The following TASP1 variants were observed in gnomAD, a reference collection of about 807,000 sequenced individuals.
TASP1 encodes the protein taspase 1, also known as threonine aspartase 1.
Under a neutral mutation model 56.6 loss-of-function variants are expected in TASP1, and 16 were observed. The ratio of observed to expected loss-of-function variants is 0.28; its 90% CI spans 0.19 to 0.43. The LOEUF (loss-of-function observed/expected upper bound fraction) is 0.43. Ranked by LOEUF, TASP1 falls within the 20% of genes least tolerant of loss-of-function variation. The probability of loss-of-function intolerance (pLI) is 1.00; values close to 1 mark genes in which losing one functional copy is unlikely to be tolerated. For missense variants in TASP1, 393 were observed against 511.6 expected (o/e 0.77, Z 2.24); for synonymous variants, 179 against 184.2 (o/e 0.97, Z 0.23).
chr20:13,230,059 TC>T, the TASP1 span, among the ~76,000 whole-genome samples: 1 of 152,212 alleles, frequency 6.6e-6, no homozygotes. Flanking sequence ...TTTATTCACT[TC>T]TACTCATAGT....
chr20:13,325,994 C>G, the TASP1 span, among the ~76,000 whole-genome samples: 2 of 152,208 alleles, frequency 1.3e-5, no homozygotes, highest in Non-Finnish European at 2.9e-5. Flanking sequence ...ACCCTCCCAA[C>G]TCCGGGTAAC....
chr20:13,168,587 T>G, the TASP1 span: 1 of 152,242 alleles, frequency 6.6e-6, no homozygotes, highest in East Asian at 1.9e-4. Flanking sequence ...GGTAAAAGTC[T>G]TAACAGTTCT....
chr20:13,140,666 T>C, the TASP1 span, among the ~76,000 whole-genome samples: 1 of 152,236 alleles, frequency 6.6e-6, no homozygotes, highest in Admixed American at 6.5e-5. Flanking sequence ...CTCTAAAGCT[T>C]AAATTTCTAT....
At chr20:13,122,870 C>T in the TASP1 span, among the ~76,000 whole-genome samples, 2 of 152,130 alleles carry the variant, frequency 1.3e-5, no homozygotes, top group African/African-American at 4.8e-5. Flanking sequence ...GCTGAAAATC[C>T]TTGGTTTGAT....
At chr20:13,311,108 C>A in the TASP1 span, among the ~76,000 whole-genome samples, 1 of 152,084 alleles carries the variant, frequency 6.6e-6, no homozygotes, top group East Asian at 1.9e-4. Flanking sequence ...GTGGGAGAAT[C>A]ACTTGAACCC....
At chr20:13,527,388 T>C (rs2045023420) in intron 10 of TASP1, among the ~76,000 whole-genome samples, 1 of 152,106 alleles carries the variant, frequency 6.6e-6, no homozygotes. Context: ...ACTCTCCCGA[T>C]AAAGTCTGAT....
the TASP1 span, among the ~76,000 whole-genome samples, chr20:13,170,368 T>G: frequency 6.6e-6 from 1 of 152,198 alleles, no homozygotes; most frequent in African/African-American, 2.4e-5. Context: ...CAATCAAGAA[T>G]AAGGGAACAA....
chr20:13,146,320 T>C, the TASP1 span, among the ~76,000 whole-genome samples: 2 of 151,996 alleles, frequency 1.3e-5, no homozygotes, highest in African/African-American at 2.4e-5. Flanking sequence ...GAGAGAACTA[T>C]TGTACTGGGC....
At chr20:13,273,408 T>C in the TASP1 span, among the ~76,000 whole-genome samples, 8 of 151,938 alleles carry the variant, frequency 5.3e-5, no homozygotes, top group Admixed American at 5.2e-4. Context: ...CTAATCTTTT[T>C]TATTTTTTGA....
chr20:13,162,655 G>T, the TASP1 span, among the ~76,000 whole-genome samples: 1 of 152,164 alleles, frequency 6.6e-6, no homozygotes, highest in Admixed American at 6.5e-5. Flanking sequence ...TCCCTCTTCT[G>T]ACTGACATGT....
At chr20:13,277,774 C>T in the TASP1 span, among the ~76,000 whole-genome samples, 3 of 151,928 alleles carry the variant, frequency 2.0e-5, no homozygotes, top group Non-Finnish European at 2.9e-5. Context: ...CTAGGTGTCC[C>T]GTGACAGAGG....
the TASP1 span, among the ~76,000 whole-genome samples, chr20:13,306,497 G>A: frequency 8.4e-6 from 1 of 118,642 alleles, no homozygotes; most frequent in Non-Finnish European, 1.7e-5. Context: ...TTTTGGTGGT[G>A]TTTTTTGTTT....
the TASP1 span, among the ~76,000 whole-genome samples, chr20:13,233,769 A>G: frequency 6.6e-6 from 1 of 152,132 alleles, no homozygotes; most frequent in African/African-American, 2.4e-5. Flanking sequence ...TCTTACACAT[A>G]AGGTAACCCA....
At chr20:13,396,203 C>T (rs1285631757) in intron 13 of TASP1, among the ~76,000 whole-genome samples, 1 of 152,188 alleles carries the variant, frequency 6.6e-6, no homozygotes, top group Non-Finnish European at 1.5e-5. Flanking sequence ...CAGAAGTTCC[C>T]TACCCATCGC....
At chr20:13,203,532 G>T in the TASP1 span, among the ~76,000 whole-genome samples, 1 of 151,944 alleles carries the variant, frequency 6.6e-6, no homozygotes, top group Non-Finnish European at 1.5e-5. Context: ...TTGAAATTAT[G>T]GTCTATTTTA....
chr20:13,445,174 G>C (rs965002197), intron 11 of TASP1, among the ~76,000 whole-genome samples: 3 of 151,980 alleles, frequency 2.0e-5, no homozygotes, highest in Non-Finnish European at 4.4e-5. Flanking sequence ...TTCAATCTTC[G>C]GATAAATTTA....
intron 2 of TASP1, among the ~76,000 whole-genome samples, chr20:13,627,783 G>A (rs371970213): frequency 2.0e-5 from 3 of 150,298 alleles, no homozygotes; most frequent in Non-Finnish European, 4.4e-5. Flanking sequence ...GCCTTGAAAG[G>A]AATGTGGCTA....
At chr20:13,163,878 T>C in the TASP1 span, among the ~76,000 whole-genome samples, 6 of 152,290 alleles carry the variant, frequency 3.9e-5, no homozygotes, top group South Asian at 2.1e-4. Flanking sequence ...ATTGGTGATA[T>C]ACTAGAATTG....
intron 13 of TASP1, among the ~76,000 whole-genome samples, chr20:13,408,410 A>C (rs2041995672): frequency 6.6e-6 from 1 of 152,166 alleles, no homozygotes; most frequent in Admixed American, 6.5e-5. Context: ...CCAAAGTAAT[A>C]ACTTATTAAG....
Sources: gnomAD v4.1 joint callset for allele counts (sites outside exome capture counted in the v4.1 genomes callset) on GRCh38, gnomAD v4.1.1 for gene constraint, MANE v1.5 for transcripts, NCBI Gene and HGNC (gene_info 2026-07-23, HGNC 2026-07-21) for gene names.